The following NCKAP5 variants were observed in gnomAD, a reference collection of about 807,000 sequenced individuals.
NCKAP5 encodes the protein NCK associated protein 5.
A neutral mutation model predicts 167.0 loss-of-function variants in NCKAP5; 92 were observed. That is an observed-to-expected ratio of 0.55 (90% CI 0.47 to 0.66). The LOEUF (loss-of-function observed/expected upper bound fraction) is 0.66, where lower values mean the gene tolerates loss of function less well. NCKAP5 is among the 30% of genes least tolerant of loss of function. The probability of loss-of-function intolerance (pLI) is 0.00; values close to 1 mark genes in which losing one functional copy is unlikely to be tolerated. For missense variants in NCKAP5, 2,378 were observed against 2,315.0 expected, an observed-to-expected ratio of 1.03 and a Z score of -0.56; for synonymous variants, 891 against 877.4, an observed-to-expected ratio of 1.02 and a Z score of -0.27.
At chr2:133,298,502 T>C (rs1209873816) in intron 4 of NCKAP5, among the ~76,000 whole-genome samples, 2 of 152,202 alleles carry the variant, frequency 1.3e-5, no homozygotes, top group Non-Finnish European at 2.9e-5. Flanking sequence ...AATTTAATCA[T>C]ATCTGAGAAG....
chr2:133,332,601 A>G (rs912226320), intron 3 of NCKAP5, among the ~76,000 whole-genome samples: 2 of 152,142 alleles, frequency 1.3e-5, no homozygotes, highest in South Asian at 2.1e-4. Context: ...TAAGACTTGA[A>G]AGTTTTAGAA....
At chr2:133,004,660 T>A (rs553319089) in intron 6 of NCKAP5, among the ~76,000 whole-genome samples, 1 of 152,336 alleles carries the variant, frequency 6.6e-6, no homozygotes, top group Non-Finnish European at 1.5e-5. Flanking sequence ...TGAGGTTCCA[T>A]GTCCCACTGG....
chr2:132,989,820 A>C (rs781098841), intron 7 of NCKAP5, among the ~76,000 whole-genome samples: 1 of 152,186 alleles, frequency 6.6e-6, no homozygotes, highest in Non-Finnish European at 1.5e-5. Context: ...TTGCGAGTTC[A>C]TCCTCAAAAG....
intron 10 of NCKAP5, among the ~76,000 whole-genome samples, chr2:132,864,856 C>G (rs1426560929): frequency 6.6e-6 from 1 of 152,154 alleles, no homozygotes; most frequent in Non-Finnish European, 1.5e-5. Flanking sequence ...AGGGCCTGGG[C>G]TCTAGTCTTC....
intron 3 of NCKAP5, among the ~76,000 whole-genome samples, chr2:133,389,934 T>A (rs1000911789): frequency 6.6e-6 from 1 of 152,192 alleles, no homozygotes; most frequent in Non-Finnish European, 1.5e-5. Flanking sequence ...GAGCAGAGCT[T>A]CCAGGCCACC....
intron 8 of NCKAP5, among the ~76,000 whole-genome samples, chr2:132,963,271 C>T (rs1354532436): frequency 6.6e-6 from 1 of 152,138 alleles, no homozygotes; most frequent in Non-Finnish European, 1.5e-5. Flanking sequence ...ACATTTAATT[C>T]CTGCACGTTT....
At chr2:132,785,765 A>C in intron 13 of NCKAP5, 47 bp from the exon 14 acceptor site, 29 of 1,387,766 alleles carry the variant, frequency 2.1e-5, no homozygotes, top group Non-Finnish European at 2.4e-5. Flanking sequence ...CATGTAGATC[A>C]CAAAGATATA....
At chr2:133,426,367 C>T (rs1559475878) in intron 3 of NCKAP5, among the ~76,000 whole-genome samples, 2 of 147,966 alleles carry the variant, frequency 1.4e-5, no homozygotes, top group African/African-American at 5.0e-5. Context: ...AAATATATAG[C>T]CTTAAATGCT....
intron 4 of NCKAP5, among the ~76,000 whole-genome samples, chr2:133,296,285 G>A (rs938152363): frequency 4.8e-4 from 73 of 151,962 alleles, no homozygotes; most frequent in African/African-American, 1.5e-3. Context: ...AGACAGCTTC[G>A]ACTCCCTATG....
chr2:133,269,456 G>A (rs2089410755), intron 4 of NCKAP5, among the ~76,000 whole-genome samples: 2 of 152,104 alleles, frequency 1.3e-5, no homozygotes, highest in South Asian at 4.1e-4. Context: ...GGAGGTGAGG[G>A]AGCAGGCAAG....
chr2:133,272,508 C>T (rs767107590), intron 4 of NCKAP5, among the ~76,000 whole-genome samples: 51 of 152,152 alleles, frequency 3.4e-4, no homozygotes, highest in Middle Eastern at 3.4e-3. Flanking sequence ...CAATAATCCA[C>T]GGAATCTTGA....
At chr2:132,942,990 T>C (rs965376848) in intron 8 of NCKAP5, among the ~76,000 whole-genome samples, 6 of 152,228 alleles carry the variant, frequency 3.9e-5, no homozygotes, top group Admixed American at 2.6e-4. Flanking sequence ...AGGAATCTGA[T>C]GATCTCCAAG....
chr2:133,110,646 A>G (rs1431638003), intron 6 of NCKAP5, among the ~76,000 whole-genome samples: 1 of 152,214 alleles, frequency 6.6e-6, no homozygotes, highest in Non-Finnish European at 1.5e-5. Flanking sequence ...AAGTAGATGA[A>G]GTAACATGCT....
chr2:133,084,820 C>T (rs2080930332), intron 6 of NCKAP5, among the ~76,000 whole-genome samples: 1 of 152,116 alleles, frequency 6.6e-6, no homozygotes, highest in Non-Finnish European at 1.5e-5. Context: ...TTTACATGTT[C>T]CCCTCAAAAA....
At chr2:132,982,971 T>A (rs969273914) in intron 7 of NCKAP5, among the ~76,000 whole-genome samples, 6 of 152,190 alleles carry the variant, frequency 3.9e-5, no homozygotes, top group Admixed American at 2.0e-4. Flanking sequence ...TTCCAATTGT[T>A]TGTGTCATCT....
chr2:133,287,314 T>C (rs1467189379), intron 4 of NCKAP5, among the ~76,000 whole-genome samples: 1 of 152,204 alleles, frequency 6.6e-6, no homozygotes, highest in Non-Finnish European at 1.5e-5. Context: ...AATTAAGTGC[T>C]CTTGATATGG....
Position 132,967,579 on chromosome 2 carries a change from T to C in NCKAP5, c.430-3710A>G, listed in dbSNP as rs77950869. Among the ~76,000 whole-genome samples, 118 of 152,080 alleles carry C rather than the reference T, an allele frequency of 7.8e-4. 1 individual carries two copies. The East Asian group carries it at 0.02, about 25-fold the overall frequency. ...TTGAGAGAATAGTTGAATAATAGGA[T>C]TGGGGAGAAAAGGAGGGGGAGAGGA... On this transcript the variant is annotated intron_variant, in intron 7 of 19. Coordinates refer to ENST00000409261, the MANE Select transcript of NCKAP5 (RefSeq NM_207363.3).
chr2:133,467,178 C>CGGA (rs1399593163), intron 3 of NCKAP5, among the ~76,000 whole-genome samples: 14 of 151,150 alleles, frequency 9.3e-5, no homozygotes, highest in Non-Finnish European at 5.9e-5. Context: ...TTTTGAAATA[C>CGGA]GTCCCATCAA....
the NCKAP5 span, among the ~76,000 whole-genome samples, chr2:133,593,427 A>G: frequency 1.3e-5 from 2 of 151,996 alleles, no homozygotes; most frequent in Non-Finnish European, 2.9e-5. Flanking sequence ...TGTTATCATT[A>G]CTGCACACAC....
Sources: gnomAD v4.1 joint callset for allele counts (sites outside exome capture counted in the v4.1 genomes callset) on GRCh38, gnomAD v4.1.1 for gene constraint, MANE v1.5 for transcripts, NCBI Gene and HGNC (gene_info 2026-07-23, HGNC 2026-07-21) for gene names.